GABRR2: variants seen among roughly 807,000 people sequenced by gnomAD.
GABRR2 encodes gamma-aminobutyric acid receptor subunit rho-2.
In GABRR2, 36 loss-of-function variants were observed where a neutral mutation model predicts 47.0. That is an observed-to-expected ratio of 0.77 (90% CI 0.59 to 1.01). GABRR2 has a LOEUF of 1.01. Ranked by LOEUF, GABRR2 falls within the 50% of genes least tolerant of loss-of-function variation. The pLI, the probability that GABRR2 is intolerant of heterozygous loss-of-function variation, is 0.00. For missense variants in GABRR2, 587 were observed against 594.6 expected, an observed-to-expected ratio of 0.99 and a Z score of 0.13; for synonymous variants, 204 against 227.5, an observed-to-expected ratio of 0.90 and a Z score of 0.93.
chr6:89,294,441 C>G (rs2127845462), intron 2 of GABRR2, among the ~76,000 whole-genome samples: 1 of 152,346 alleles, frequency 6.6e-6, no homozygotes. Context: ...CCACCACACC[C>G]AGCCTCTATC....
At chr6:89,290,835 C>T (rs9451196) in intron 2 of GABRR2, among the ~76,000 whole-genome samples, 27,462 of 152,090 alleles carry the variant, frequency 0.18, 2,892 homozygotes, top group East Asian at 0.5. Context: ...TCCCATCGGG[C>T]GGCTTTTTCC....
At chr6:89,280,211 A>AATACATATAT (rs1774231049) in intron 2 of GABRR2, among the ~76,000 whole-genome samples, 1 of 110,394 alleles carries the variant, frequency 9.1e-6, no homozygotes, top group Non-Finnish European at 1.8e-5. Flanking sequence ...TCTAAAAACA[A>AATACATATAT]ATATATATAT....
At chr6:89,302,527 A>G in intron 1 of GABRR2, 3 of 829,786 alleles carry the variant, frequency 3.6e-6, no homozygotes, top group Admixed American at 3.8e-5. Flanking sequence ...GGACCTGCAC[A>G]AGCTGGTGGT....
chr6:89,258,070 C>T, intron 8 of GABRR2, 89 bp from the exon 9 acceptor site: 2 of 1,186,194 alleles, frequency 1.7e-6, no homozygotes, highest in Non-Finnish European at 2.3e-6. Context: ...CACATTGCTA[C>T]TCAGAACCAC....
chr6:89,292,346 TTATATATATATATATATA>T (rs57703020), intron 2 of GABRR2, among the ~76,000 whole-genome samples: 2 of 13,834 alleles, frequency 1.4e-4, no homozygotes, highest in Non-Finnish European at 2.4e-4. Context: ...AAAAAAAATT[TTATATATATATATATATA>T]TATATATATA....
intron 2 of GABRR2, among the ~76,000 whole-genome samples, chr6:89,279,015 C>G (rs1774214045): frequency 6.6e-6 from 1 of 152,178 alleles, no homozygotes; most frequent in African/African-American, 2.4e-5. Context: ...TTTGCTGTGG[C>G]TCACAGTATG....
chr6:89,313,350 G>A (rs1767709605), intron 1 of GABRR2, among the ~76,000 whole-genome samples: 1 of 152,186 alleles, frequency 6.6e-6, no homozygotes, highest in South Asian at 2.1e-4. Context: ...CATAACAAAG[G>A]TTCTAAAAGT....
In GABRR2 at chr6:89,256,489, A is replaced by G. The variant is rs564205524; in HGVS notation, c.*1181T>C. Among the ~76,000 whole-genome samples the G allele has an allele frequency of 1.3e-5, 2 of 152,306 alleles. No individual in the cohort carries two copies. Among genetic ancestry groups the G allele is most frequent in the South Asian group, 4.1e-4 (2 of 4,826 alleles). On this transcript the variant is annotated 3_prime_UTR_variant, in exon 9 of 9. Transcript: ENST00000402938. ...AATTAACATTAACAATAGGGAATTG[A>G]CAAGAGTTGCTGTGTAGTAAAGGAC...
Position 89,257,744 on chromosome 6 carries a change from C to A in GABRR2, c.1324G>T (p.Asp442Tyr). 6.2e-7 allele frequency: 1 copy of A among 1,613,986 alleles called. No homozygotes were observed. The change falls in exon 9 of 9, where the codon GAC becomes TAC. Residue 442 changes from aspartate to tyrosine, a missense_variant. By Grantham distance (160) the Asp-to-Tyr change is radical (BLOSUM62 -3). Coordinates refer to ENST00000402938, the MANE Select transcript of GABRR2 (RefSeq NM_002043.5). ...FRIFQNTHAI[D>Y]KYSRLIFPAS... is the part of the protein sequence containing the mutation. ...GGGAATATCAACCTAGAGTATTTGT[C>A]AATGGCATGGGTATTCTGGAAGATA...
At chr6:89,284,958 G>C (rs890746821) in intron 2 of GABRR2, among the ~76,000 whole-genome samples, 1 of 152,150 alleles carries the variant, frequency 6.6e-6, no homozygotes, top group African/African-American at 2.4e-5. Flanking sequence ...CTACCTCAGC[G>C]TAACATTCAA....
chr6:89,305,635 C>T (rs1457429900), intron 1 of GABRR2, among the ~76,000 whole-genome samples: 1 of 152,104 alleles, frequency 6.6e-6, no homozygotes, highest in Non-Finnish European at 1.5e-5. Flanking sequence ...CACACACACA[C>T]ACACAAAAAG....
intron 1 of GABRR2, among the ~76,000 whole-genome samples, chr6:89,301,459 T>C (rs1212823995): frequency 6.6e-6 from 1 of 152,184 alleles, no homozygotes; most frequent in East Asian, 1.9e-4. Flanking sequence ...GATGTGATTC[T>C]GTATCTAGAA....
chr6:89,299,859 T>C lies in GABRR2; in HGVS notation c.120A>G (p.Leu40=), dbSNP rs766607039. 1 of 1,606,082 alleles carries C rather than the reference T, an allele frequency of 6.2e-7. No individual in the cohort carries two copies. The highest frequency in any genetic ancestry group is 1.1e-5 in the South Asian group (1 of 90,928). Residue 40 remains leucine (L), a synonymous_variant, in exon 2 of 9, where the codon TTA becomes TTG. Transcript: ENST00000402938. ...TGGTCACATCAAGGTTCTTCTTATA[T>C]AAGTGACTGTGAAGACAAGCAAGAA... ...GQVEMPKPSH[L]YKKNLDVTKI...
At chr6:89,267,915 T>A in intron 5 of GABRR2, 96 bp from the exon 6 acceptor site, 1 of 1,572,878 alleles carries the variant, frequency 6.4e-7, no homozygotes, top group Non-Finnish European at 8.7e-7. Flanking sequence ...AGTAAATAGG[T>A]CTTAACGCTG....
intron 2 of GABRR2, 86 bp downstream of exon 2, chr6:89,299,673 C>T (rs897969188): frequency 1.3e-5 from 11 of 838,164 alleles, no homozygotes; most frequent in South Asian, 8.6e-5. Context: ...TCTGAGGAAG[C>T]GCTGTGCCAG....
At position 89,310,994 on chromosome 6, in the gene GABRR2, G is replaced by A. The variant is rs540593214; in HGVS notation, c.113+4059C>T. Among the ~76,000 whole-genome samples the A allele has an allele frequency of 6.6e-5, 10 of 152,242 alleles. No individual in the cohort carries two copies. In the East Asian group the frequency reaches 1.9e-3, roughly 29 times the overall value. ...CTTCCTCCCCTGTGGCTGAAATACG[G>A]GACTGTCCAGTCCCCTTAAGCCATG... On this transcript the variant is annotated intron_variant, in intron 1 of 8. Transcript: ENST00000402938.
At chr6:89,302,709 G>A (rs1258492797) in intron 1 of GABRR2, 39 of 1,356,572 alleles carry the variant, frequency 2.9e-5, no homozygotes, top group South Asian at 1.0e-4. Flanking sequence ...AGTGGCCACC[G>A]TGTTCCGGGG....
In GABRR2 at chr6:89,269,000, C is replaced by T. The variant is rs1239022361; in HGVS notation, c.512+11G>A. 6.2e-7 allele frequency: 1 copy of T among 1,611,134 alleles called. No homozygotes were observed. Among genetic ancestry groups the T allele is most frequent in the Non-Finnish European group, 8.5e-7 (1 of 1,177,216 alleles). ...CACTGGACAGAGGAACAATGGCCCC[C>T]AGACAGCTACCTCATGCTGTACAGC... On this transcript the variant is annotated intron_variant, in intron 4 of 8. Transcript: ENST00000402938.
At chr6:89,308,913 G>A (rs1406412371) in intron 1 of GABRR2, among the ~76,000 whole-genome samples, 2 of 152,194 alleles carry the variant, frequency 1.3e-5, no homozygotes, top group Non-Finnish European at 2.9e-5. Flanking sequence ...TCCTCACAGG[G>A]CTTCCAACCT....
Sources: allele counts gnomAD v4.1 joint callset (sites outside exome capture counted in the v4.1 genomes callset), GRCh38; gene constraint gnomAD v4.1.1; transcripts MANE v1.5; gene names NCBI Gene and HGNC (gene_info 2026-07-23, HGNC 2026-07-21).